Variants in LIN7A observed in about 807,000 individuals in gnomAD.
The protein encoded by LIN7A is lin-7 cell polarity scaffold A.
A neutral mutation model predicts 29.8 loss-of-function variants in LIN7A; 25 were observed. The observed-to-expected ratio is 0.84, with a 90% CI of 0.61 to 1.17. The LOEUF (loss-of-function observed/expected upper bound fraction) is 1.17, where lower values mean the gene tolerates loss of function less well. Ranked by LOEUF, LIN7A falls within the 50% of genes most tolerant of loss-of-function variation. The pLI, the probability that LIN7A is intolerant of heterozygous loss-of-function variation, is 0.00. For missense variants in LIN7A, 239 were observed against 287.0 expected (o/e 0.83, Z 1.21); for synonymous variants, 118 against 107.5 (o/e 1.10, Z -0.60).
chr12:80,807,504 G>C (rs749296746), intron 5 of LIN7A, among the ~76,000 whole-genome samples: 1 of 152,176 alleles, frequency 6.6e-6, no homozygotes, highest in Non-Finnish European at 1.5e-5. Context: ...TCTTTAGTAA[G>C]ACCTCAGAAA....
intron 1 of LIN7A, among the ~76,000 whole-genome samples, chr12:80,898,888 A>C (rs1259207090): frequency 6.6e-6 from 1 of 152,202 alleles, no homozygotes; most frequent in African/African-American, 2.4e-5. Flanking sequence ...TTTTGCACAC[A>C]GTCTATGGGG....
At chr12:80,821,975 C>A (rs1460108293) in intron 4 of LIN7A, among the ~76,000 whole-genome samples, 2 of 152,198 alleles carry the variant, frequency 1.3e-5, no homozygotes, top group African/African-American at 4.8e-5. Context: ...CACTGACAAG[C>A]CAACCCCCTG....
At chr12:80,846,975 C>T (rs1462499969) in intron 3 of LIN7A, among the ~76,000 whole-genome samples, 1 of 152,294 alleles carries the variant, frequency 6.6e-6, no homozygotes, top group East Asian at 1.9e-4. Flanking sequence ...AACGACTGTA[C>T]CTTCTTTTCC....
At chr12:80,841,397 AAGGAAGGAAGG>A (rs1252848512) in intron 4 of LIN7A, among the ~76,000 whole-genome samples, 10 of 150,092 alleles carry the variant, frequency 6.7e-5, no homozygotes, top group African/African-American at 2.5e-4. Context: ...GGAAGGAAGG[AAGGAAGGAAGG>A]AGGGAAAGAA....
intron 1 of LIN7A, among the ~76,000 whole-genome samples, chr12:80,925,723 T>C (rs1162066893): frequency 1.3e-5 from 2 of 152,174 alleles, no homozygotes; most frequent in Non-Finnish European, 2.9e-5. Flanking sequence ...GTGTATGTTT[T>C]TAAATACAGA....
intron 5 of LIN7A, among the ~76,000 whole-genome samples, chr12:80,807,082 T>TTTTTTTTTTTTTTTTTTTTTTTTTTG (rs1555221398): frequency 7.4e-6 from 1 of 134,584 alleles, no homozygotes; most frequent in East Asian, 2.2e-4. Context: ...TTTTTTTTTT[T>TTTTTTTTTTTTTTTTTTTTTTTTTTG]TTTTTTTTTG....
chr12:80,797,898 A>G (rs1480122303), intron 5 of LIN7A, among the ~76,000 whole-genome samples, 172 bp from the exon 6 acceptor site: 1 of 152,328 alleles, frequency 6.6e-6, no homozygotes, highest in East Asian at 1.9e-4. Context: ...GATGTTTGCA[A>G]AGGAAGTAAT....
chr12:80,897,663 G>A (rs1419412221), intron 1 of LIN7A, among the ~76,000 whole-genome samples: 2 of 151,930 alleles, frequency 1.3e-5, no homozygotes, highest in African/African-American at 4.8e-5. Context: ...AAAATTAGCC[G>A]GCGTGGTGGT....
intron 1 of LIN7A, among the ~76,000 whole-genome samples, chr12:80,890,326 A>T (rs1356476057): frequency 6.6e-6 from 1 of 152,110 alleles, no homozygotes; most frequent in Non-Finnish European, 1.5e-5. Context: ...ATAGGACATG[A>T]GGTTTTCGAT....
At chr12:80,895,258 T>C (rs117944752) in intron 1 of LIN7A, among the ~76,000 whole-genome samples, 1 of 152,250 alleles carries the variant, frequency 6.6e-6, no homozygotes, top group Non-Finnish European at 1.5e-5. Context: ...TCAAAATAGC[T>C]GGAACATTAT....
chr12:80,907,082 T>C (rs1401914625), intron 1 of LIN7A, among the ~76,000 whole-genome samples: 1 of 151,576 alleles, frequency 6.6e-6, no homozygotes, highest in East Asian at 1.9e-4. Flanking sequence ...TGTGTGTGTG[T>C]GTGTGTGTGT....
chr12:80,841,342 GGGAAGGAA>G (rs201176926), intron 4 of LIN7A, among the ~76,000 whole-genome samples: 24,975 of 125,668 alleles, frequency 0.2, 2,591 homozygotes, highest in East Asian at 0.25. Flanking sequence ...GAAAGAGGGA[GGGAAGGAA>G]GGAAGGAAGG....
rs1224930860 is a variant in LIN7A, at chr12:80,793,092, A to C, written c.*4635T>G. ...CCCCCAAACCACAGATAATGATTAGACACATGAACTCTTGTGTCAGATTGC... is the reference window on the plus strand; with the variant it reads ...CCCCCAAACCACAGATAATGATTAGCCACATGAACTCTTGTGTCAGATTGC... On this transcript the variant is annotated 3_prime_UTR_variant, in exon 6 of 6. Transcript: ENST00000552864. The C allele has an allele frequency of 6.6e-6, 1 of 152,166 alleles. No homozygotes were observed. Among genetic ancestry groups the C allele is most frequent in the East Asian group, 1.9e-4 (1 of 5,194 alleles). 9.4% of individuals were successfully genotyped at this position (152,166 alleles called of 1,614,324 possible).
At chr12:80,922,595 T>C (rs1352561280) in intron 1 of LIN7A, among the ~76,000 whole-genome samples, 1 of 152,182 alleles carries the variant, frequency 6.6e-6, no homozygotes, top group Non-Finnish European at 1.5e-5. Flanking sequence ...GCTGGTACTT[T>C]CTTATAATTT....
At chr12:80,912,803 A>C (rs1876830775) in intron 1 of LIN7A, among the ~76,000 whole-genome samples, 1 of 152,124 alleles carries the variant, frequency 6.6e-6, no homozygotes. Context: ...AAGATCTTAA[A>C]GGTTACCCAC....
intron 2 of LIN7A, among the ~76,000 whole-genome samples, chr12:80,880,981 A>AT (rs1875000872): frequency 6.6e-6 from 1 of 152,102 alleles, no homozygotes; most frequent in African/African-American, 2.4e-5. Context: ...GGTGCTATTA[A>AT]TTTTTTTTAT....
At chr12:80,917,836 G>A (rs1460186665) in intron 1 of LIN7A, among the ~76,000 whole-genome samples, 1 of 152,074 alleles carries the variant, frequency 6.6e-6, no homozygotes, top group Admixed American at 6.6e-5. Flanking sequence ...TCACGTGTTG[G>A]TTTGTTGTGT....
At chr12:80,818,767 G>T (rs1871656353) in intron 4 of LIN7A, among the ~76,000 whole-genome samples, 1 of 152,154 alleles carries the variant, frequency 6.6e-6, no homozygotes, top group Non-Finnish European at 1.5e-5. Context: ...GTCAGTCTCT[G>T]ACATGTAGAT....
At chr12:80,892,959 T>C (rs940407447) in intron 1 of LIN7A, among the ~76,000 whole-genome samples, 1 of 152,166 alleles carries the variant, frequency 6.6e-6, no homozygotes, top group Non-Finnish European at 1.5e-5. Context: ...GAAAAGCTTA[T>C]TGAAATGCAG....
Sources: allele counts gnomAD v4.1 joint callset (sites outside exome capture counted in the v4.1 genomes callset), GRCh38; gene constraint gnomAD v4.1.1; transcripts MANE v1.5; gene names NCBI Gene and HGNC (gene_info 2026-07-23, HGNC 2026-07-21).